Variants in ARHGAP10 observed in about 807,000 individuals in gnomAD.
ARHGAP10 encodes the protein rho GTPase-activating protein 10.
A neutral mutation model predicts 108.6 loss-of-function variants in ARHGAP10; 87 were observed. That is an observed-to-expected ratio of 0.80 (90% CI 0.67 to 0.96). The LOEUF is 0.96. Among genes scored for constraint, ARHGAP10 ranks in the 40% least tolerant of loss-of-function variants. ARHGAP10 has a pLI of 0.00. For synonymous variants in ARHGAP10, 347 were observed against 341.1 expected, an observed-to-expected ratio of 1.02 and a Z score of -0.19; for missense variants, 939 against 954.5, an observed-to-expected ratio of 0.98 and a Z score of 0.21.
At chr4:147,777,408 G>A (rs191427316) in intron 1 of ARHGAP10, among the ~76,000 whole-genome samples, 13 of 151,968 alleles carry the variant, frequency 8.6e-5, no homozygotes, top group Admixed American at 3.9e-4. Context: ...ACAGGCACCC[G>A]CCACCATGCC....
At chr4:147,913,890 C>A (rs150301876) in intron 13 of ARHGAP10, among the ~76,000 whole-genome samples, 1 of 152,276 alleles carries the variant, frequency 6.6e-6, no homozygotes, top group African/African-American at 2.4e-5. Context: ...TGGTGGCTCA[C>A]GCTGGTAATC....
intron 1 of ARHGAP10, among the ~76,000 whole-genome samples, chr4:147,765,753 T>C (rs1729780021): frequency 1.3e-5 from 2 of 152,184 alleles, no homozygotes; most frequent in African/African-American, 4.8e-5. Flanking sequence ...TGAGCCATGA[T>C]TGCACAACTG....
intron 1 of ARHGAP10, among the ~76,000 whole-genome samples, chr4:147,816,722 A>G (rs1732263840): frequency 6.6e-6 from 1 of 152,224 alleles, no homozygotes; most frequent in South Asian, 2.1e-4. Context: ...CTGTACAGAG[A>G]AGCCATAATG....
intron 13 of ARHGAP10, among the ~76,000 whole-genome samples, chr4:147,921,215 A>G (rs1176983526): frequency 6.6e-6 from 1 of 152,200 alleles, no homozygotes; most frequent in Non-Finnish European, 1.5e-5. Context: ...TATAGAGGAT[A>G]GGAATTCTGC....
chr4:147,752,432 G>GA (rs1413723647), intron 1 of ARHGAP10, among the ~76,000 whole-genome samples: 5 of 151,582 alleles, frequency 3.3e-5, no homozygotes, highest in African/African-American at 1.2e-4. Flanking sequence ...ACAAAAAATT[G>GA]AAAAAAACGC....
intron 8 of ARHGAP10, among the ~76,000 whole-genome samples, chr4:147,876,369 G>A (rs143739192): frequency 0.01 from 1,551 of 152,322 alleles, 51 homozygotes; most frequent in East Asian, 0.091. Context: ...GAGGTGGGCA[G>A]ATCACGAGGT....
At chr4:147,797,718 A>G (rs1164288362) in intron 1 of ARHGAP10, among the ~76,000 whole-genome samples, 1 of 152,032 alleles carries the variant, frequency 6.6e-6, no homozygotes, top group African/African-American at 2.4e-5. Flanking sequence ...GCCAGCCAAC[A>G]CGCCCGGCCC....
At chr4:147,998,562 A>C (rs917953621) in intron 18 of ARHGAP10, among the ~76,000 whole-genome samples, 5 of 152,232 alleles carry the variant, frequency 3.3e-5, no homozygotes, top group Non-Finnish European at 7.3e-5. Context: ...TACCAATATT[A>C]TATAGAGTTC....
At chr4:147,820,071 C>A (rs2126783175) in intron 1 of ARHGAP10, among the ~76,000 whole-genome samples, 1 of 152,150 alleles carries the variant, frequency 6.6e-6, no homozygotes, top group East Asian at 1.9e-4. Flanking sequence ...TAGGACTAGC[C>A]CTATCCTAGG....
At chr4:148,032,633 G>A (rs1191765583) in intron 19 of ARHGAP10, among the ~76,000 whole-genome samples, 2 of 152,132 alleles carry the variant, frequency 1.3e-5, no homozygotes, top group South Asian at 2.1e-4. Flanking sequence ...TATATTGAAG[G>A]GGAGTTTATT....
chr4:148,031,823 G>T (rs537844864), intron 19 of ARHGAP10, among the ~76,000 whole-genome samples: 11 of 152,234 alleles, frequency 7.2e-5, no homozygotes, highest in African/African-American at 2.4e-4. Flanking sequence ...GGGCCCTCCA[G>T]GAGAAAAATC....
chr4:147,827,955 G>A (rs376680661), intron 3 of ARHGAP10, among the ~76,000 whole-genome samples: 116 of 152,134 alleles, frequency 7.6e-4, no homozygotes, highest in African/African-American at 2.7e-3. Context: ...ACAGGTGTGC[G>A]CCACCACGCC....
intron 1 of ARHGAP10, among the ~76,000 whole-genome samples, chr4:147,763,771 T>TA (rs1553947153): frequency 0.01 from 1,450 of 143,774 alleles, 17 homozygotes; most frequent in Non-Finnish European, 0.017. Flanking sequence ...TTTTTTTTTT[T>TA]AAAAACAGAG....
At chr4:147,770,493 C>G (rs985004295) in intron 1 of ARHGAP10, among the ~76,000 whole-genome samples, 13 of 152,208 alleles carry the variant, frequency 8.5e-5, no homozygotes, top group African/African-American at 2.9e-4. Context: ...CTACTGCACT[C>G]CAGCCTGGGC....
At chr4:148,063,428 A>C in intron 21 of ARHGAP10, 128 bp downstream of exon 21, 1 of 1,279,344 alleles carries the variant, frequency 7.8e-7, no homozygotes, top group Non-Finnish European at 1.1e-6. Flanking sequence ...CCTGGACTTC[A>C]TGGACAGCAC....
chr4:147,748,262 TGTG>T (rs1729013670), intron 1 of ARHGAP10, among the ~76,000 whole-genome samples: 1 of 152,172 alleles, frequency 6.6e-6, no homozygotes, highest in Non-Finnish European at 1.5e-5. Flanking sequence ...GTCACTGAGA[TGTG>T]GTGGATGTTG....
At chr4:147,891,984 A>G (rs1328440995) in intron 10 of ARHGAP10, among the ~76,000 whole-genome samples, 3 of 152,166 alleles carry the variant, frequency 2.0e-5, no homozygotes, top group Admixed American at 6.5e-5. Context: ...TTGATAAATA[A>G]TTACCCGTTC....
intron 18 of ARHGAP10, among the ~76,000 whole-genome samples, chr4:148,014,462 G>C (rs1214076084): frequency 2.0e-5 from 3 of 152,222 alleles, no homozygotes; most frequent in Admixed American, 2.0e-4. Flanking sequence ...GAACATAACA[G>C]TGATGCAGCT....
At chr4:147,845,900 G>C (rs943023856) in intron 3 of ARHGAP10, among the ~76,000 whole-genome samples, 3 of 152,188 alleles carry the variant, frequency 2.0e-5, no homozygotes, top group African/African-American at 4.8e-5. Flanking sequence ...TTCCTGGCTG[G>C]TGGTGCTTTG....
Sources: allele counts gnomAD v4.1 joint callset (sites outside exome capture counted in the v4.1 genomes callset), GRCh38; gene constraint gnomAD v4.1.1; transcripts MANE v1.5; gene names NCBI Gene and HGNC (gene_info 2026-07-23, HGNC 2026-07-21).